The following RELCH variants were observed in gnomAD, a reference collection of about 807,000 sequenced individuals.
RELCH encodes the protein RAB11 binding and LisH domain, coiled-coil and HEAT repeat containing, also known as RAB11-binding protein RELCH.
Under a neutral mutation model 150.3 loss-of-function variants are expected in RELCH, and 41 were observed. The observed-to-expected ratio is 0.27, with a 90% CI of 0.21 to 0.35. RELCH has a LOEUF of 0.35. Among genes scored for constraint, RELCH ranks in the 10% least tolerant of loss-of-function variants. RELCH has a pLI of 1.00. For synonymous variants in RELCH, 478 were observed against 531.8 expected, an observed-to-expected ratio of 0.90 and a Z score of 1.39; for missense variants, 1,092 against 1,467.8, an observed-to-expected ratio of 0.74 and a Z score of 4.18.
intron 27 of RELCH, among the ~76,000 whole-genome samples, chr18:62,295,313 G>GGT (rs2045351684): frequency 6.9e-6 from 1 of 144,116 alleles, no homozygotes; most frequent in Non-Finnish European, 1.5e-5. Context: ...TCCCCAGCCT[G>GGT]GTGTGTTTTT....
intron 1 of RELCH, 80 bp downstream of exon 1, chr18:62,188,111 T>G: frequency 1.4e-6 from 2 of 1,408,106 alleles, no homozygotes; most frequent in Non-Finnish European, 1.9e-6. Context: ...GGGGTATTTC[T>G]GCGTGGGTCC....
chr18:62,224,647 T>C (rs1190708502), intron 5 of RELCH, among the ~76,000 whole-genome samples: 1 of 152,052 alleles, frequency 6.6e-6, no homozygotes, highest in Non-Finnish European at 1.5e-5. Context: ...TTTTAAAATA[T>C]CATGTTCAAT....
rs149122467 is a variant in RELCH at position 62,228,170 on chromosome 18, T to A, written c.1155-135T>A. Reference sequence around the variant, plus strand: ...ATCAGTGAATATTGCATAAAAAAGATTTATTACTTGCCAATCATTTGCTAC... The same window carrying A: ...ATCAGTGAATATTGCATAAAAAAGAATTATTACTTGCCAATCATTTGCTAC... On this transcript the variant is annotated intron_variant, in intron 7 of 28. Coordinates refer to ENST00000644646, the MANE Select transcript of RELCH (RefSeq NM_001346231.2). 6.3e-4 allele frequency: 430 copies of A among 683,930 alleles called. 5 individuals carry two copies. The African/African-American group carries it at 7.1e-3, about 11-fold the overall frequency. 42.4% of individuals were successfully genotyped at this position (683,930 alleles called of 1,614,324 possible).
At chr18:62,276,809 G>A (rs17069693) in intron 22 of RELCH, among the ~76,000 whole-genome samples, 4,398 of 152,058 alleles carry the variant, frequency 0.029, 166 homozygotes, top group East Asian at 0.18. Flanking sequence ...TTAAAAAGCC[G>A]TAATCAGGTT....
intron 27 of RELCH, among the ~76,000 whole-genome samples, chr18:62,295,377 T>G (rs1174747127): frequency 9.2e-5 from 14 of 151,754 alleles, no homozygotes; most frequent in Non-Finnish European, 1.9e-4. Context: ...TTTATCAGTT[T>G]CATTAATCTC....
Position 62,187,306 on chromosome 18 carries a change from G to C in RELCH, c.-200G>C. On this transcript the variant is annotated 5_prime_UTR_variant, in exon 1 of 29. Transcript: ENST00000644646. ...AGACGCCTGCAGAGCCGGGCTGCTG[G>C]TGCAGCAGAGGCTGAGGCATCAGGT... The C allele has an allele frequency of 2.4e-6, 1 of 423,620 alleles. No individual in the cohort carries two copies. The highest frequency in any genetic ancestry group is 4.1e-6 in the Non-Finnish European group (1 of 241,216). The allele number at this position is 423,620 out of a possible 1,614,324, so 26.2% of individuals were successfully genotyped here.
chr18:62,284,578 T>A (rs1046594651), intron 25 of RELCH, among the ~76,000 whole-genome samples: 4 of 152,162 alleles, frequency 2.6e-5, no homozygotes, highest in Admixed American at 1.3e-4. Context: ...CCCTGAGGAA[T>A]TTAGTACTCT....
At chr18:62,221,193 A>G in intron 3 of RELCH, 26 bp from the exon 4 acceptor site, 2 of 1,600,004 alleles carry the variant, frequency 1.3e-6, no homozygotes, top group Non-Finnish European at 1.7e-6. Context: ...AAATAGTAAA[A>G]TAGTACTTAT....
chr18:62,252,458 G>A (rs1012554647), intron 11 of RELCH, among the ~76,000 whole-genome samples: 2 of 151,990 alleles, frequency 1.3e-5, no homozygotes, highest in East Asian at 1.9e-4. Flanking sequence ...GGTGGAGGTT[G>A]CAGTAAGCCA....
chr18:62,261,732 A>T (rs1388373849), intron 16 of RELCH, 74 bp downstream of exon 16: 1 of 1,329,448 alleles, frequency 7.5e-7, no homozygotes. Flanking sequence ...GTTTTTTATT[A>T]AAAGTCTAAA....
chr18:62,279,785 G>C lies in RELCH; in HGVS notation c.2979G>C (p.Lys993Asn), dbSNP rs956139615. 6.5e-7 allele frequency: 1 copy of C among 1,535,242 alleles called. No individual in the cohort carries two copies. The highest frequency in any genetic ancestry group is 1.4e-5 in the African/African-American group (1 of 72,982). ...TAARMFELLV[K>N]GVNETLVAQR... ...TGCTGACCAATCAGCTGTTGGTGAA[G>C]GGGGTGAATGAAACTCTGGTAGCTC... The change falls in exon 23 of 29, where the codon AAG becomes AAC. Residue 993 changes from lysine to asparagine, a missense_variant. Lys to Asn is a moderately conservative substitution (Grantham distance 94, BLOSUM62 0). Around this residue, in one of 4 missense-constraint regions of RELCH, gnomAD observed 707 missense variants for 1,025.4 expected, o/e 0.69. Transcript: ENST00000644646.
chr18:62,212,169 G>T (rs1216722347), intron 2 of RELCH, among the ~76,000 whole-genome samples: 1 of 152,198 alleles, frequency 6.6e-6, no homozygotes, highest in African/African-American at 2.4e-5. Context: ...ATTGGAATTT[G>T]CTAGGGGTCC....
chr18:62,272,811 G>A (rs1350662459), intron 20 of RELCH, among the ~76,000 whole-genome samples: 1 of 149,240 alleles, frequency 6.7e-6, no homozygotes, highest in Admixed American at 6.7e-5. Context: ...TCACATTTAG[G>A]TTTTTCTCAG....
At chr18:62,211,291 T>C in intron 2 of RELCH, 49 bp downstream of exon 2, 1 of 1,148,166 alleles carries the variant, frequency 8.7e-7, no homozygotes, top group Non-Finnish European at 1.3e-6. Context: ...ATTCCAGAAA[T>C]AATGAAATGG....
intron 9 of RELCH, among the ~76,000 whole-genome samples, chr18:62,231,858 G>A (rs1463394550): frequency 1.3e-5 from 2 of 151,976 alleles, no homozygotes; most frequent in African/African-American, 4.8e-5. Context: ...GCTAGATAGA[G>A]GATGGTTTGG....
intron 1 of RELCH, among the ~76,000 whole-genome samples, chr18:62,200,992 G>A (rs1250706208): frequency 2.7e-4 from 6 of 22,076 alleles, no homozygotes; most frequent in East Asian, 1.2e-3. Context: ...TTTTTTTTTT[G>A]AGACTGAGAC....
At chr18:62,251,358 C>T (rs1249216921) in intron 11 of RELCH, among the ~76,000 whole-genome samples, 1 of 152,156 alleles carries the variant, frequency 6.6e-6, no homozygotes. Context: ...GAATCAGTTC[C>T]TCAAGGATTC....
At chr18:62,258,220 G>A (rs1216725693) in intron 14 of RELCH, 132 bp downstream of exon 14, 4 of 852,524 alleles carry the variant, frequency 4.7e-6, no homozygotes, top group Non-Finnish European at 7.1e-6. Context: ...GTCATCTGGG[G>A]ATGGCTGCCT....
chr18:62,295,243 A>C (rs1056314537), intron 27 of RELCH, among the ~76,000 whole-genome samples: 4 of 151,424 alleles, frequency 2.6e-5, no homozygotes, highest in Admixed American at 6.6e-5. Flanking sequence ...AGAACATGCT[A>C]TATCTTATAT....
Sources: gnomAD v4.1 joint callset for allele counts (sites outside exome capture counted in the v4.1 genomes callset) on GRCh38, gnomAD v4.1.1 for gene constraint, gnomAD v4.1.1 regional missense constraint, MANE v1.5 for transcripts, NCBI Gene and HGNC (gene_info 2026-07-23, HGNC 2026-07-21) for gene names.